The following PMFBP1 variants were observed in gnomAD, a reference collection of about 807,000 sequenced individuals.
PMFBP1 encodes polyamine modulated factor 1 binding protein 1.
Under a neutral mutation model 137.8 loss-of-function variants are expected in PMFBP1, and 131 were observed. The observed-to-expected ratio is 0.95, with a 90% CI of 0.82 to 1.10. The LOEUF is 1.10. Ranked by LOEUF, PMFBP1 falls within the 50% of genes least tolerant of loss-of-function variation. PMFBP1 has a pLI of 0.00. For missense variants in PMFBP1, 1,199 were observed against 1,175.4 expected (o/e 1.02, Z -0.29); for synonymous variants, 490 against 450.4 (o/e 1.09, Z -1.11).
the PMFBP1 span, among the ~76,000 whole-genome samples, chr16:72,199,345 G>T: frequency 6.6e-6 from 1 of 152,160 alleles, no homozygotes; most frequent in East Asian, 1.9e-4. Context: ...TATGTTGAAC[G>T]TCATGCAAAA....
At chr16:72,123,902 CG>C (rs1283999405) in intron 17 of PMFBP1, among the ~76,000 whole-genome samples, 2 of 152,182 alleles carry the variant, frequency 1.3e-5, no homozygotes, top group Non-Finnish European at 2.9e-5. Flanking sequence ...CTTATAATCA[CG>C]GTTTTCAGTG....
chr16:72,221,825 G>C, the PMFBP1 span, among the ~76,000 whole-genome samples: 1 of 152,154 alleles, frequency 6.6e-6, no homozygotes, highest in African/African-American at 2.4e-5. Context: ...AGAGTCATTT[G>C]GTTGAATCAC....
rs986320297 is a variant in PMFBP1 at position 72,125,549 on chromosome 16, G to A, written c.2254-144C>T. On this transcript the variant is annotated intron_variant, in intron 15 of 20. Coordinates refer to ENST00000237353, the MANE Select transcript of PMFBP1 (RefSeq NM_031293.3). ...TCACCTTGCCTAGTCTCCCAGAGAG[G>A]GGTGGGAAATGACAGTGGTTGGTTT... The A allele has an allele frequency of 1.2e-5, 11 of 952,372 alleles. No homozygotes were observed. In the African/African-American group the frequency reaches 1.8e-4, roughly 16 times the overall value. 59.0% of individuals were successfully genotyped at this position (952,372 alleles called of 1,614,324 possible).
At chr16:72,237,851 T>G in the PMFBP1 span, among the ~76,000 whole-genome samples, 2 of 152,208 alleles carry the variant, frequency 1.3e-5, no homozygotes, top group African/African-American at 2.4e-5. Context: ...TATGTGTCCA[T>G]GTGTTCTCAT....
the PMFBP1 span, among the ~76,000 whole-genome samples, chr16:72,230,072 G>A: frequency 6.6e-6 from 1 of 152,264 alleles, no homozygotes; most frequent in South Asian, 2.1e-4. Flanking sequence ...ACCTCTTAGG[G>A]GAGCATGTGA....
At chr16:72,187,122 A>T in the PMFBP1 span, among the ~76,000 whole-genome samples, 1 of 151,356 alleles carries the variant, frequency 6.6e-6, no homozygotes, top group South Asian at 2.1e-4. Flanking sequence ...CAAAAAAAAA[A>T]AAAATAAATA....
chr16:72,227,750 A>G, the PMFBP1 span, among the ~76,000 whole-genome samples: 1 of 152,162 alleles, frequency 6.6e-6, no homozygotes, highest in Non-Finnish European at 1.5e-5. Context: ...ACTAATCCTC[A>G]TTAAGCCTCA....
At chr16:72,132,141 G>A (rs2042558653) in intron 10 of PMFBP1, among the ~76,000 whole-genome samples, 1 of 152,160 alleles carries the variant, frequency 6.6e-6, no homozygotes, top group East Asian at 1.9e-4. Context: ...CACCGTGCCT[G>A]GGAAATTCAC....
At chr16:72,245,789 T>C in the PMFBP1 span, among the ~76,000 whole-genome samples, 1 of 152,164 alleles carries the variant, frequency 6.6e-6, no homozygotes, top group African/African-American at 2.4e-5. Context: ...CTTCTCCCTC[T>C]CTCTCTCCTT....
At chr16:72,226,277 T>C in the PMFBP1 span, among the ~76,000 whole-genome samples, 1 of 152,186 alleles carries the variant, frequency 6.6e-6, no homozygotes, top group South Asian at 2.1e-4. Context: ...TATCTAGCCT[T>C]TCCAGTGATA....
intron 3 of PMFBP1, among the ~76,000 whole-genome samples, chr16:72,163,910 G>C (rs1450686147): frequency 6.6e-6 from 1 of 151,642 alleles, no homozygotes; most frequent in Non-Finnish European, 1.5e-5. Context: ...ATGAACTTTG[G>C]GGACTCTGTG....
At chr16:72,172,621 T>C (rs1020485365), upstream of PMFBP1, among the ~76,000 whole-genome samples, 25 of 151,678 alleles carry the variant, frequency 1.6e-4, no homozygotes, top group Admixed American at 9.2e-4. Context: ...AATATAGGCA[T>C]ATGTCAGAGA....
the PMFBP1 span, among the ~76,000 whole-genome samples, chr16:72,214,385 C>T: frequency 6.6e-6 from 1 of 152,046 alleles, no homozygotes; most frequent in African/African-American, 2.4e-5. Context: ...CCACGTTAGC[C>T]AGGATGGTCT....
chr16:72,193,150 G>T, the PMFBP1 span, among the ~76,000 whole-genome samples: 2 of 152,124 alleles, frequency 1.3e-5, no homozygotes, highest in Non-Finnish European at 2.9e-5. Context: ...ACTATGGGAG[G>T]CTGTGGTGAG....
chr16:72,213,437 T>C, the PMFBP1 span, among the ~76,000 whole-genome samples: 1 of 152,206 alleles, frequency 6.6e-6, no homozygotes, highest in Non-Finnish European at 1.5e-5. Context: ...AGCCGTCAAG[T>C]TGTGAGCTGC....
Position 72,129,192 on chromosome 16 carries a change from A to G in PMFBP1, c.1824T>C (p.Asp608=). 1.2e-6 allele frequency: 2 copies of G among 1,613,886 alleles called. No homozygotes were observed. The highest frequency in any genetic ancestry group is 1.7e-6 in the Non-Finnish European group (2 of 1,180,040). Residue 608 remains aspartate, a synonymous_variant, in exon 13 of 21, where the codon GAT becomes GAC. Transcript: ENST00000237353. ...CCAGAAGCTTTGTGGCCTCCTGAAG[A>G]TCTTCTTCTAACTTGCATTTGATGG... ...QGSIKCKLEE[D]LQEATKLLED... is the part of the protein sequence containing the mutation.
chr16:72,216,932 A>T, the PMFBP1 span, among the ~76,000 whole-genome samples: 2 of 152,244 alleles, frequency 1.3e-5, no homozygotes, highest in African/African-American at 2.4e-5. Context: ...CTTTTAGTTC[A>T]TTGGGTGCCA....
chr16:72,240,889 T>C, the PMFBP1 span, among the ~76,000 whole-genome samples: 3 of 151,334 alleles, frequency 2.0e-5, no homozygotes, highest in African/African-American at 7.3e-5. Flanking sequence ...TATTTTGCAA[T>C]TGTGTGTTGG....
intron 5 of PMFBP1, among the ~76,000 whole-genome samples, chr16:72,149,036 C>T (rs535879055): frequency 6.6e-6 from 1 of 152,180 alleles, no homozygotes; most frequent in South Asian, 2.1e-4. Flanking sequence ...CATCGCAGCT[C>T]GACTTCTTCC....
Sources: allele counts gnomAD v4.1 joint callset (sites outside exome capture counted in the v4.1 genomes callset), GRCh38; gene constraint gnomAD v4.1.1; transcripts MANE v1.5; gene names NCBI Gene and HGNC (gene_info 2026-07-23, HGNC 2026-07-21).